MYO5C: variants seen among roughly 807,000 people sequenced by gnomAD.
MYO5C encodes the protein myosin VC.
A neutral mutation model predicts 235.7 loss-of-function variants in MYO5C; 194 were observed. The ratio of observed to expected loss-of-function variants is 0.82; its 90% confidence interval spans 0.73 to 0.93. The LOEUF (loss-of-function observed/expected upper bound fraction) is 0.93. Among genes scored for constraint, MYO5C ranks in the 40% least tolerant of loss-of-function variants. The probability of loss-of-function intolerance (pLI) is 0.00; values close to 1 mark genes in which losing one functional copy is unlikely to be tolerated. For synonymous variants in MYO5C, 707 were observed against 754.8 expected, an observed-to-expected ratio of 0.94 and a Z score of 1.04; for missense variants, 2,038 against 2,127.2, an observed-to-expected ratio of 0.96 and a Z score of 0.82.
intron 35 of MYO5C, among the ~76,000 whole-genome samples, chr15:52,210,689 C>CA (rs2035426145): frequency 6.6e-6 from 1 of 152,194 alleles, no homozygotes; most frequent in Non-Finnish European, 1.5e-5. Context: ...TTTTACAAAG[C>CA]AACTATCCCT....
intron 23 of MYO5C, among the ~76,000 whole-genome samples, chr15:52,234,427 T>G (rs2036032180): frequency 6.6e-6 from 1 of 152,220 alleles, no homozygotes; most frequent in Non-Finnish European, 1.5e-5. Flanking sequence ...AAACATAATT[T>G]TCAGGTTATA....
At position 52,223,597 on chromosome 15, in the gene MYO5C, C is replaced by A; in HGVS notation, c.3574G>T (p.Asp1192Tyr). Residue 1192 changes from aspartate (D) to tyrosine (Y), a missense_variant, in exon 29 of 41, where the codon GAC (aspartate) becomes TAC (tyrosine). Asp to Tyr is a radical substitution (Grantham distance 160, BLOSUM62 -3). Transcript: ENST00000261839. ...HLQKLFREENDINESIRHEVT... is the reference protein window; with the variant it reads ...HLQKLFREENYINESIRHEVT... ...TCATGACGGATGCTTTCATTGATGT[C>A]ATTTTCTTCTCTGAATAACTTCTGC... 1 of 1,614,128 alleles carries A rather than the reference C, an allele frequency of 6.2e-7. No individual in the cohort carries two copies. The highest frequency in any genetic ancestry group is 8.5e-7 in the Non-Finnish European group (1 of 1,180,008).
At chr15:52,212,023 T>A in intron 34 of MYO5C, 139 bp from the exon 35 acceptor site, 5 of 779,146 alleles carry the variant, frequency 6.4e-6, no homozygotes, top group Non-Finnish European at 9.5e-6. Context: ...ATTTCCTCTT[T>A]GAGGAATTCC....
chr15:52,234,805 G>A (rs1320221366), intron 23 of MYO5C, among the ~76,000 whole-genome samples: 2 of 152,136 alleles, frequency 1.3e-5, no homozygotes, highest in African/African-American at 4.8e-5. Context: ...TCTCCGCCCT[G>A]AACTCCCAGG....
At chr15:52,262,134 T>C (rs923102940) in intron 9 of MYO5C, among the ~76,000 whole-genome samples, 1 of 152,166 alleles carries the variant, frequency 6.6e-6, no homozygotes, top group Non-Finnish European at 1.5e-5. Context: ...CTGCAGGTGC[T>C]GCTATGGGAA....
intron 33 of MYO5C, 191 bp from the exon 34 acceptor site, chr15:52,213,477 C>A: frequency 1.9e-6 from 1 of 526,936 alleles, no homozygotes; most frequent in South Asian, 2.3e-5. Context: ...ATGAGTACAT[C>A]AGTGAGTACA....
At chr15:52,257,198 C>A (rs1296726132) in intron 10 of MYO5C, among the ~76,000 whole-genome samples, 2 of 152,252 alleles carry the variant, frequency 1.3e-5, no homozygotes, top group Non-Finnish European at 2.9e-5. Context: ...AGCAGCACAA[C>A]TGCAGCACAA....
At chr15:52,269,723 T>A in intron 8 of MYO5C, 30 bp downstream of exon 8, 1 of 1,407,856 alleles carries the variant, frequency 7.1e-7, no homozygotes, top group Non-Finnish European at 1.0e-6. Context: ...AGAAAATGGC[T>A]ACATACTTGG....
chr15:52,250,803 T>C (rs933158673), intron 13 of MYO5C, among the ~76,000 whole-genome samples: 18 of 152,208 alleles, frequency 1.2e-4, no homozygotes, highest in African/African-American at 3.6e-4. Flanking sequence ...CAAATAAGAA[T>C]GTACATTTAG....
At chr15:52,210,781 C>A (rs1450507948) in intron 35 of MYO5C, among the ~76,000 whole-genome samples, 1 of 152,154 alleles carries the variant, frequency 6.6e-6, no homozygotes, top group Non-Finnish European at 1.5e-5. Flanking sequence ...TATGGAGTTT[C>A]CAGGAAAAAT....
intron 35 of MYO5C, 85 bp from the exon 36 acceptor site, chr15:52,208,728 T>C: frequency 8.5e-7 from 1 of 1,180,650 alleles, no homozygotes. Flanking sequence ...TTGTAGCTTT[T>C]GACCAAAATT....
chr15:52,283,769 G>A (rs553033526), intron 1 of MYO5C, among the ~76,000 whole-genome samples: 4 of 151,978 alleles, frequency 2.6e-5, no homozygotes, highest in South Asian at 4.2e-4. Flanking sequence ...TCCACCTCCC[G>A]GGTTCAAGTG....
At chr15:52,245,597 G>T in intron 17 of MYO5C, 132 bp from the exon 18 acceptor site, 2 of 706,042 alleles carry the variant, frequency 2.8e-6, no homozygotes, top group Non-Finnish European at 2.6e-6. Context: ...TAAAGGCACT[G>T]ATCTTTGATA....
chr15:52,213,492 C>A (rs1001592779), intron 33 of MYO5C: 28 of 461,754 alleles, frequency 6.1e-5, no homozygotes, highest in Non-Finnish European at 1.1e-4. Flanking sequence ...AGTACAGCTG[C>A]TGCTGAAAAG....
chr15:52,255,831 A>G (rs1023722194), intron 11 of MYO5C, among the ~76,000 whole-genome samples: 2 of 147,742 alleles, frequency 1.4e-5, no homozygotes, highest in African/African-American at 2.7e-5. Flanking sequence ...GGTACCTGGT[A>G]TACACAGTAT....
At chr15:52,257,899 G>A (rs1395709224) in intron 10 of MYO5C, among the ~76,000 whole-genome samples, 1 of 152,180 alleles carries the variant, frequency 6.6e-6, no homozygotes, top group Non-Finnish European at 1.5e-5. Flanking sequence ...TCCTGGGCAG[G>A]GTAAGAACCT....
At position 52,205,892 on chromosome 15, in the gene MYO5C, C is replaced by G. The variant is rs1566961214; in HGVS notation, c.4461G>C (p.Gln1487His). The change falls in exon 37 of 41, where the codon CAG (glutamine) becomes CAC (histidine). Residue 1487 changes from glutamine to histidine, a missense_variant. Physicochemically the swap from Gln to His is conservative, Grantham distance 24. Transcript: ENST00000261839. Reference protein sequence around the residue: ...LNNFDLSEYRQILSDVAIRIY... With the variant: ...LNNFDLSEYRHILSDVAIRIY... ...TTCGTATAGCCACATCACTGAGAAT[C>G]TGTCTGTATTCTGAAAGGTCAAAAT... The G allele has an allele frequency of 6.3e-7, 1 of 1,598,220 alleles. No homozygotes were observed. Among genetic ancestry groups the G allele is most frequent in the East Asian group, 2.2e-5 (1 of 44,602 alleles).
chr15:52,217,275 G>A (rs1348849858), intron 32 of MYO5C, among the ~76,000 whole-genome samples: 1 of 152,220 alleles, frequency 6.6e-6, no homozygotes, highest in Non-Finnish European at 1.5e-5. Context: ...TTAGCTCAGC[G>A]CACCTGTGGG....
chr15:52,230,817 G>C (rs1404878137), intron 24 of MYO5C, among the ~76,000 whole-genome samples: 1 of 148,224 alleles, frequency 6.7e-6, no homozygotes, highest in Non-Finnish European at 1.5e-5. Context: ...AAGGCAGCCA[G>C]AAGTCTTCCT....
Sources: gnomAD v4.1 joint callset for allele counts (sites outside exome capture counted in the v4.1 genomes callset) on GRCh38, gnomAD v4.1.1 for gene constraint, MANE v1.5 for transcripts, NCBI Gene and HGNC (gene_info 2026-07-23, HGNC 2026-07-21) for gene names.